Variants in PDCD1LG2 observed in about 807,000 individuals in gnomAD.
PDCD1LG2 encodes the protein B7 dendritic cell molecule.
Under a neutral mutation model 28.2 loss-of-function variants are expected in PDCD1LG2, and 32 were observed. That is an observed-to-expected ratio of 1.13 (90% CI 0.86 to 1.52). The LOEUF (loss-of-function observed/expected upper bound fraction) is 1.52. PDCD1LG2 is among the 40% of genes most tolerant of loss of function. PDCD1LG2 has a pLI of 0.00. For synonymous variants in PDCD1LG2, 116 were observed against 120.2 expected (o/e 0.97, Z 0.23); for missense variants, 385 against 323.8 (o/e 1.19, Z -1.45).
chr9:5,540,335 C>A (rs751463747), intron 3 of PDCD1LG2, among the ~76,000 whole-genome samples: 4 of 151,876 alleles, frequency 2.6e-5, no homozygotes, highest in Non-Finnish European at 5.9e-5. Context: ...GCTGGAGAAA[C>A]AAGAACAATC....
chr9:5,560,403 A>C (rs1450744290), intron 5 of PDCD1LG2, among the ~76,000 whole-genome samples: 2 of 152,198 alleles, frequency 1.3e-5, no homozygotes, highest in African/African-American at 4.8e-5. Flanking sequence ...GGCCATGCAG[A>C]ATCTCTGGTC....
intron 4 of PDCD1LG2, among the ~76,000 whole-genome samples, chr9:5,552,003 CCCTCA>C (rs1816344444): frequency 6.6e-6 from 1 of 152,172 alleles, no homozygotes; most frequent in Non-Finnish European, 1.5e-5. Flanking sequence ...TTCCAGATTT[CCCTCA>C]CCTAACACCC....
rs892612370 is a variant in PDCD1LG2, at chr9:5,528,620, T to C, written c.55+6019T>C. Among the ~76,000 whole-genome samples the C allele has an allele frequency of 2.2e-4, 33 of 152,150 alleles. 1 individual carries two copies. The highest frequency in any genetic ancestry group is 2.2e-3 in the Admixed American group (33 of 15,270). ...GCACCTGGCCTTAGTTAAGTTTTTA[T>C]GTACTTATTGTATATCTTCATTGGT... On this transcript the variant is annotated intron_variant, in intron 2 of 6. Coordinates refer to ENST00000397747, the MANE Select transcript of PDCD1LG2 (RefSeq NM_025239.4).
At chr9:5,525,978 C>T (rs777205553) in intron 2 of PDCD1LG2, among the ~76,000 whole-genome samples, 5 of 147,362 alleles carry the variant, frequency 3.4e-5, no homozygotes, top group Admixed American at 6.9e-5. Flanking sequence ...ACCAGGGAGT[C>T]GGAGGTGGCG....
rs1489541460 is a variant in PDCD1LG2, at chr9:5,570,009, T to A, written c.*50T>A. 6.2e-7 allele frequency: 1 copy of A among 1,613,084 alleles called. No homozygotes were observed. The highest frequency in any genetic ancestry group is 1.7e-5 in the Admixed American group (1 of 60,008). ...GACCTGATATGACATCTAAAGAAGC[T>A]TCTGGACTCTGAACAAGAATTCGGT... is the stretch of plus-strand genomic sequence containing the variant. On this transcript the variant is annotated 3_prime_UTR_variant, in exon 7 of 7. Coordinates refer to ENST00000397747, the MANE Select transcript of PDCD1LG2 (RefSeq NM_025239.4).
rs767409370 is a variant in PDCD1LG2, at chr9:5,535,053, G to A, written c.361+3G>A. On this transcript the variant is annotated splice_donor_region_variant and intron_variant, in intron 3 of 6. Coordinates refer to ENST00000397747, the MANE Select transcript of PDCD1LG2 (RefSeq NM_025239.4). ...GTACCTGACTCTGAAAGTCAAAGGT[G>A]AGTGGTGTCAAGGACTAGAATCCAT... 2 of 1,599,238 alleles carry A rather than the reference G, an allele frequency of 1.3e-6. No individual in the cohort carries two copies. The highest frequency in any genetic ancestry group is 2.2e-5 in the South Asian group (2 of 89,440).
chr9:5,537,671 T>C (rs756774833), intron 3 of PDCD1LG2, among the ~76,000 whole-genome samples: 1 of 152,116 alleles, frequency 6.6e-6, no homozygotes, highest in South Asian at 2.1e-4. Context: ...TAGGTGGGAA[T>C]TGAACAATGA....
chr9:5,570,123 C>T lies in PDCD1LG2; in HGVS notation c.*164C>T. 1 of 876,876 alleles carries T rather than the reference C, an allele frequency of 1.1e-6. No homozygotes were observed. Among genetic ancestry groups the T allele is most frequent in the South Asian group, 1.5e-5 (1 of 68,306 alleles). The allele number at this position is 876,876 out of a possible 1,614,324, so 54.3% of individuals were successfully genotyped here. ...AAACCTGCAACAAGACTAGCCAACA[C>T]CTGGCCATGAAACTTGCCCCTTCAC... On this transcript the variant is annotated 3_prime_UTR_variant, in exon 7 of 7. Coordinates refer to ENST00000397747, the MANE Select transcript of PDCD1LG2 (RefSeq NM_025239.4).
chr9:5,570,904 T>C lies in PDCD1LG2; in HGVS notation c.*945T>C. The C allele has an allele frequency of 4.3e-6, 1 of 232,798 alleles. No homozygotes were observed. The highest frequency in any genetic ancestry group is 6.1e-5 in the East Asian group (1 of 16,508). The allele number at this position is 232,798 out of a possible 1,614,324, so 14.4% of individuals were successfully genotyped here. A position where few individuals can be genotyped will look rare whatever the true frequency, so the allele number is the denominator to read the frequency against. ...CAGCAATGCTAAGTAGTCAAGGCCT[T>C]TGATAATTGGCACTATGGAAATCCT... On this transcript the variant is annotated 3_prime_UTR_variant, in exon 7 of 7. Transcript: ENST00000397747.
chr9:5,514,978 T>G (rs1444927132), intron 1 of PDCD1LG2, among the ~76,000 whole-genome samples: 2 of 152,086 alleles, frequency 1.3e-5, no homozygotes, highest in Non-Finnish European at 2.9e-5. Flanking sequence ...CTTAGTGAAG[T>G]TAGTGAGAGG....
intron 3 of PDCD1LG2, among the ~76,000 whole-genome samples, chr9:5,542,502 C>G (rs902702495): frequency 6.6e-6 from 1 of 152,024 alleles, no homozygotes; most frequent in African/African-American, 2.4e-5. Flanking sequence ...AAAAAACAAA[C>G]GATCCCATCA....
intron 2 of PDCD1LG2, among the ~76,000 whole-genome samples, chr9:5,533,055 T>C (rs1425023135): frequency 2.0e-5 from 3 of 152,234 alleles, no homozygotes; most frequent in African/African-American, 4.8e-5. Context: ...GTATCACATT[T>C]TATACTGAAA....
At chr9:5,552,660 T>C (rs889743537) in intron 4 of PDCD1LG2, among the ~76,000 whole-genome samples, 27 of 152,154 alleles carry the variant, frequency 1.8e-4, no homozygotes, top group Non-Finnish European at 2.2e-4. Flanking sequence ...TTAAAATTAA[T>C]TTTTTCATGG....
At chr9:5,545,815 C>G (rs982390254) in intron 3 of PDCD1LG2, among the ~76,000 whole-genome samples, 3 of 152,152 alleles carry the variant, frequency 2.0e-5, no homozygotes, top group African/African-American at 4.8e-5. Flanking sequence ...AACTACAGAA[C>G]ACACATTGTT....
Position 5,570,163 on chromosome 9 carries a change from C to CCTG in PDCD1LG2, c.*204_*205insCTG. The CCTG allele has an allele frequency of 1.6e-6, 1 of 633,484 alleles. No homozygotes were observed. Among genetic ancestry groups the CCTG allele is most frequent in the Non-Finnish European group, 2.8e-6 (1 of 353,300 alleles). 39.2% of individuals were successfully genotyped at this position (633,484 alleles called of 1,614,324 possible). A position where few individuals can be genotyped will look rare whatever the true frequency, so the allele number is the denominator to read the frequency against. On this transcript the variant is annotated 3_prime_UTR_variant, in exon 7 of 7. Transcript: ENST00000397747. ...TGCCCCTTCACTGATCTGGACTCACCTCTGGAGCCTATGGCTTTAAGCAAG... is the reference window on the plus strand; with the variant it reads ...TGCCCCTTCACTGATCTGGACTCACCCTGTCTGGAGCCTATGGCTTTAAGCAAG...
chr9:5,537,284 G>A (rs918391601), intron 3 of PDCD1LG2, among the ~76,000 whole-genome samples: 1 of 152,024 alleles, frequency 6.6e-6, no homozygotes, highest in Non-Finnish European at 1.5e-5. Flanking sequence ...TAGAATTGAG[G>A]CTGAATTCTA....
At chr9:5,560,678 G>A (rs533784075) in intron 5 of PDCD1LG2, among the ~76,000 whole-genome samples, 1 of 152,236 alleles carries the variant, frequency 6.6e-6, no homozygotes, top group African/African-American at 2.4e-5. Context: ...GTTCCTCTTA[G>A]GGCCATTGGT....
chr9:5,549,449 G>C lies in PDCD1LG2; in HGVS notation c.476G>C (p.Ser159Thr), dbSNP rs1329298558. The change falls in exon 4 of 7, where the codon AGC becomes ACC. Residue 159 changes from serine (S) to threonine (T), a missense_variant. Physicochemically the swap from Ser to Thr is moderately conservative, Grantham distance 58 (BLOSUM62 1). Coordinates refer to ENST00000397747, the MANE Select transcript of PDCD1LG2 (RefSeq NM_025239.4). Reference sequence around the variant, plus strand: ...GCAGAAGTATCCTGGCCAAACGTCAGCGTTCCTGCCAACACCAGCCACTCC... The same window carrying C: ...GCAGAAGTATCCTGGCCAAACGTCACCGTTCCTGCCAACACCAGCCACTCC... Reference protein sequence around the residue: ...PLAEVSWPNVSVPANTSHSRT... With the variant: ...PLAEVSWPNVTVPANTSHSRT... 1 of 1,614,190 alleles carries C rather than the reference G, an allele frequency of 6.2e-7. No homozygotes were observed. Among genetic ancestry groups the C allele is most frequent in the Non-Finnish European group, 8.5e-7 (1 of 1,180,036 alleles).
intron 3 of PDCD1LG2, among the ~76,000 whole-genome samples, chr9:5,539,515 C>G (rs1820648879): frequency 6.6e-6 from 1 of 152,040 alleles, no homozygotes; most frequent in African/African-American, 2.4e-5. Flanking sequence ...AAGGACAGAA[C>G]AAATTATGAG....
Sources: gnomAD v4.1 joint callset for allele counts (sites outside exome capture counted in the v4.1 genomes callset) on GRCh38, gnomAD v4.1.1 for gene constraint, MANE v1.5 for transcripts, NCBI Gene and HGNC (gene_info 2026-07-23, HGNC 2026-07-21) for gene names.